Variants in CLCF1 observed in about 807,000 individuals in gnomAD.
CLCF1 encodes cardiotrophin-like cytokine factor 1.
CLCF1 carries 10 observed loss-of-function variants against 21.2 expected under a neutral mutation model. That is an observed-to-expected ratio of 0.47 (90% CI 0.29 to 0.80). CLCF1 has a LOEUF of 0.80. Among genes scored for constraint, CLCF1 ranks in the 30% least tolerant of loss-of-function variants. The probability of loss-of-function intolerance (pLI) is 0.09; values close to 1 mark genes in which losing one functional copy is unlikely to be tolerated. For missense variants in CLCF1, 240 were observed against 293.4 expected (o/e 0.82, Z 1.33); for synonymous variants, 115 against 120.5 (o/e 0.95, Z 0.30).
chr11:67,372,169 G>A lies in CLCF1; in HGVS notation c.16+1355C>T, dbSNP rs1049094176. Among the ~76,000 whole-genome samples, 3 of 152,116 alleles carry A rather than the reference G, an allele frequency of 2.0e-5. No individual in the cohort carries two copies. Among genetic ancestry groups the A allele is most frequent in the East Asian group, 3.9e-4 (2 of 5,188 alleles). On this transcript the variant is annotated intron_variant, in intron 1 of 2. Coordinates refer to ENST00000312438, the MANE Select transcript of CLCF1 (RefSeq NM_013246.3). The surrounding 1 kb of genome is among the most constrained non-coding windows in gnomAD (Gnocchi z 5.9). ...TGTCCCTGGGTTAGGGTCAGAGAAG[G>A]AGGACCCAGTAGAGCAGCGTGCCCA...
chr11:67,371,933 G>A (rs1005115834), intron 1 of CLCF1, among the ~76,000 whole-genome samples: 1 of 152,164 alleles, frequency 6.6e-6, no homozygotes, highest in African/African-American at 2.4e-5. Context: ...CCCATCAGCA[G>A]TGTCACTTCT....
intron 1 of CLCF1, chr11:67,370,834 A>G (rs1590917243): frequency 4.1e-6 from 4 of 985,410 alleles, no homozygotes; most frequent in Non-Finnish European, 4.8e-6. Context: ...GGACAAGTCA[A>G]TGGGAGTCTC....
chr11:67,368,599 C>T (rs1486367098), intron 1 of CLCF1: 26 of 985,176 alleles, frequency 2.6e-5, no homozygotes, highest in Non-Finnish European at 3.1e-5. Context: ...CTGGCAAAGG[C>T]AGTTAGGGTT....
At chr11:67,371,164 A>G (rs1862225628) in intron 1 of CLCF1, 1 of 731,542 alleles carries the variant, frequency 1.4e-6, no homozygotes, top group Non-Finnish European at 1.7e-6. Flanking sequence ...GCAAAGGCCC[A>G]CAGAAACCCA....
intron 1 of CLCF1, chr11:67,369,740 C>T (rs1257603879): frequency 1.0e-6 from 1 of 985,442 alleles, no homozygotes; most frequent in Non-Finnish European, 1.2e-6. Flanking sequence ...CTTCTTTACC[C>T]ACATGCTGGC....
chr11:67,367,377 A>C, intron 2 of CLCF1, 83 bp downstream of exon 2: 2 of 1,604,814 alleles, frequency 1.2e-6, no homozygotes, highest in Non-Finnish European at 1.7e-6. Context: ...CCCATCATTT[A>C]CCAGAACCCT....
intron 1 of CLCF1, chr11:67,371,100 G>C: frequency 1.0e-6 from 1 of 985,180 alleles, no homozygotes; most frequent in East Asian, 1.1e-4. Context: ...TGAGGTCCAG[G>C]CATTGTGACG....
At chr11:67,366,086 G>A (rs1310929663) in intron 2 of CLCF1, among the ~76,000 whole-genome samples, 1 of 152,196 alleles carries the variant, frequency 6.6e-6, no homozygotes, top group East Asian at 1.9e-4. Context: ...CAGACAGCAA[G>A]GAGAATGAGC....
intron 1 of CLCF1, chr11:67,370,015 G>T: frequency 1.0e-6 from 1 of 985,416 alleles, no homozygotes; most frequent in South Asian, 4.7e-5. Context: ...GCAGGCTGCG[G>T]GTGGGGGGCA....
Position 67,365,370 on chromosome 11 carries a change from C to G in CLCF1, c.444G>C (p.Ala148=). Reference sequence around the variant, plus strand: ...GGTAGCCCAGAGCTGCCATGACGCCCGCAATGCTGCCCAGCAGGCCCTGGA... The same window carrying G: ...GGTAGCCCAGAGCTGCCATGACGCCGGCAATGCTGCCCAGCAGGCCCTGGA... The part of the protein sequence containing the change: ...TSLQGLLGSI[A]GVMAALGYPL... Residue 148 remains alanine, a synonymous_variant, in exon 3 of 3, where the codon GCG becomes GCC. Coordinates refer to ENST00000312438, the MANE Select transcript of CLCF1 (RefSeq NM_013246.3). The surrounding 1 kb of genome is among the most constrained non-coding windows in gnomAD (Gnocchi z 5.0). 1 of 1,612,990 alleles carries G rather than the reference C, an allele frequency of 6.2e-7. No individual in the cohort carries two copies. Among genetic ancestry groups the G allele is most frequent in the Non-Finnish European group, 8.5e-7 (1 of 1,179,548 alleles).
rs921705854 is a variant in CLCF1 at position 67,371,056 on chromosome 11, G to A, written c.16+2468C>T. 1.3e-5 allele frequency: 13 copies of A among 985,284 alleles called. No homozygotes were observed. In the South Asian group the frequency reaches 4.2e-4, roughly 32 times the overall value. The allele number at this position is 985,284 out of a possible 1,614,324, so 61.0% of individuals were successfully genotyped here. ...AGGGATGGAGTGGGTTAGGCGGGCA[G>A]AGTGGGTGAGGAGTGGGCTAGGGAT... On this transcript the variant is annotated intron_variant, in intron 1 of 2. Transcript: ENST00000312438.
chr11:67,370,834 A>T, intron 1 of CLCF1: 1 of 985,410 alleles, frequency 1.0e-6, no homozygotes, highest in Middle Eastern at 5.2e-4. Flanking sequence ...GGACAAGTCA[A>T]TGGGAGTCTC....
At chr11:67,368,712 T>G (rs1299983829) in intron 1 of CLCF1, 6 of 985,066 alleles carry the variant, frequency 6.1e-6, no homozygotes, top group African/African-American at 1.8e-5. Flanking sequence ...GTTGATTTAG[T>G]GCGGTTGAGG....
chr11:67,370,420 G>A lies in CLCF1; in HGVS notation c.17-2794C>T, dbSNP rs1341225001. 11 of 339,272 alleles carry A rather than the reference G, an allele frequency of 3.2e-5. No homozygotes were observed. The African/African-American group carries it at 3.8e-4, about 12-fold the overall frequency. 21.0% of individuals were successfully genotyped at this position (339,272 alleles called of 1,614,324 possible). On this transcript the variant is annotated intron_variant, in intron 1 of 2. Transcript: ENST00000312438. ...AGTCCTGGCCCCCAGCCCGGCCCCC[G>A]CCCCAGCTCTGCCTCTGGCTGCTGC... is the stretch of plus-strand genomic sequence containing the variant.
At chr11:67,373,885 G>A, upstream of CLCF1, 3 of 923,442 alleles carry the variant, frequency 3.2e-6, no homozygotes, top group East Asian at 5.3e-5. Context: ...ACCACCCTGG[G>A]CCTCCTGGGG....
chr11:67,373,784 G>A (rs1862288555), upstream of CLCF1: 2 of 1,082,120 alleles, frequency 1.8e-6, no homozygotes, highest in Non-Finnish European at 2.3e-6. Flanking sequence ...GGTGGGGGTA[G>A]GAGGGGGGAG....
chr11:67,365,109 G>A lies in CLCF1; in HGVS notation c.*27C>T, dbSNP rs774040224. ...CACAAAGTGGGAGCAGGGTTTGAAG[G>A]GGGAGCGAAGAGGAGAAGGTCAGAA... is the stretch of plus-strand genomic sequence containing the variant. On this transcript the variant is annotated 3_prime_UTR_variant, in exon 3 of 3. Transcript: ENST00000312438. This position sits in a 1 kb window ranked among gnomAD's most constrained non-coding sequence, Gnocchi z 5.0. 9.3e-6 allele frequency: 15 copies of A among 1,612,946 alleles called. No homozygotes were observed. The highest frequency in any genetic ancestry group is 1.2e-5 in the Non-Finnish European group (14 of 1,179,992).
rs1339951016 is a variant in CLCF1, at chr11:67,365,199, G to A, written c.615C>T (p.Leu205=). 6.2e-7 allele frequency: 1 copy of A among 1,613,948 alleles called. No homozygotes were observed. The highest frequency in any genetic ancestry group is 1.3e-5 in the African/African-American group (1 of 74,942). Reference sequence around the variant, plus strand: ...CTGCTGGAGGCTGCATCTTCTTCTTGAGCCGGTTGAAGTCCTTGGCCGAGC... The same window carrying A: ...CTGCTGGAGGCTGCATCTTCTTCTTAAGCCGGTTGAAGTCCTTGGCCGAGC... ...LWRSAKDFNR[L]KKKMQPPAAA... Residue 205 remains leucine, a synonymous_variant, in exon 3 of 3, where the codon CTC becomes CTT. Transcript: ENST00000312438. The surrounding 1 kb of genome is among the most constrained non-coding windows in gnomAD (Gnocchi z 5.0).
At chr11:67,367,364 C>T in intron 2 of CLCF1, 96 bp downstream of exon 2, 3 of 1,584,920 alleles carry the variant, frequency 1.9e-6, no homozygotes, top group South Asian at 1.1e-5. Context: ...AGCCCCTCCT[C>T]ACCCCATCAT....
Sources: allele counts gnomAD v4.1 joint callset (sites outside exome capture counted in the v4.1 genomes callset), GRCh38; gene constraint gnomAD v4.1.1; non-coding constraint Gnocchi (gnomAD v3.1); transcripts MANE v1.5; gene names NCBI Gene and HGNC (gene_info 2026-07-23, HGNC 2026-07-21).